Variants in NAA30 observed in about 807,000 individuals in gnomAD.
NAA30 encodes the protein N-alpha-acetyltransferase 30.
NAA30 carries 5 observed loss-of-function variants against 31.4 expected under a neutral mutation model. That is an observed-to-expected ratio of 0.16 (90% confidence interval 0.08 to 0.33). The LOEUF is 0.33. NAA30 is among the 10% of genes least tolerant of loss of function. The pLI, the probability that NAA30 is intolerant of heterozygous loss-of-function variation, is 1.00. For synonymous variants in NAA30, 222 were observed against 207.1 expected, an observed-to-expected ratio of 1.07 and a Z score of -0.62; for missense variants, 428 against 490.8, an observed-to-expected ratio of 0.87 and a Z score of 1.21.
chr14:57,399,519 C>T (rs2066464897), intron 3 of NAA30, among the ~76,000 whole-genome samples: 1 of 152,192 alleles, frequency 6.6e-6, no homozygotes, highest in Non-Finnish European at 1.5e-5. Context: ...TTGTCTTTTT[C>T]TCTTTCGCTT....
intron 2 of NAA30, among the ~76,000 whole-genome samples, chr14:57,395,715 C>G (rs1206560218): frequency 6.6e-6 from 1 of 152,064 alleles, no homozygotes; most frequent in East Asian, 1.9e-4. Flanking sequence ...AAGCTTTTAA[C>G]ATAAAGCTTT....
chr14:57,393,597 A>C (rs547027682), intron 2 of NAA30, among the ~76,000 whole-genome samples: 70 of 152,286 alleles, frequency 4.6e-4, no homozygotes, highest in African/African-American at 1.6e-3. Context: ...TCCTTTTAGA[A>C]CTGAAAGCCA....
chr14:57,395,102 T>G (rs2066445247), intron 2 of NAA30, among the ~76,000 whole-genome samples: 3 of 152,208 alleles, frequency 2.0e-5, no homozygotes, highest in Admixed American at 1.3e-4. Flanking sequence ...TAAAAAATTT[T>G]TTTAAAAGAT....
intron 2 of NAA30, among the ~76,000 whole-genome samples, chr14:57,393,975 C>G (rs1451473525): frequency 6.6e-6 from 1 of 151,956 alleles, no homozygotes; most frequent in Non-Finnish European, 1.5e-5. Flanking sequence ...GATTAAAAAC[C>G]TCCAAAATGT....
At position 57,399,052 on chromosome 14, in the gene NAA30, G is replaced by A. The variant is rs773661969; in HGVS notation, c.896-776G>A. On this transcript the variant is annotated intron_variant, in intron 3 of 4. Transcript: ENST00000556492. ...AATTTTTTGTATTTTTAATAGAGAC[G>A]GGGTTTCACCATGTTGGCCAGGCTG... Among the ~76,000 whole-genome samples the A allele has an allele frequency of 5.4e-4, 82 of 151,838 alleles. 1 individual carries two copies. The highest frequency in any genetic ancestry group is 8.5e-4 in the Non-Finnish European group (58 of 67,938).
At chr14:57,408,602 C>G (rs1001674454) in intron 4 of NAA30, among the ~76,000 whole-genome samples, 2 of 152,180 alleles carry the variant, frequency 1.3e-5, no homozygotes, top group Non-Finnish European at 2.9e-5. Context: ...CAAACGTACT[C>G]ATAAACTCTG....
chr14:57,397,107 T>G (rs1370159521), intron 3 of NAA30, among the ~76,000 whole-genome samples: 2 of 152,238 alleles, frequency 1.3e-5, no homozygotes, highest in Non-Finnish European at 2.9e-5. Context: ...AAGTAGCCGA[T>G]CATCAGCTTT....
At chr14:57,404,177 C>A (rs1024810652) in intron 4 of NAA30, among the ~76,000 whole-genome samples, 11 of 152,084 alleles carry the variant, frequency 7.2e-5, no homozygotes, top group African/African-American at 2.7e-4. Flanking sequence ...CAAAAATTAG[C>A]CAGGTGTGGT....
chr14:57,403,685 C>T (rs897914897), intron 4 of NAA30, among the ~76,000 whole-genome samples: 8 of 152,136 alleles, frequency 5.3e-5, no homozygotes, highest in Admixed American at 5.2e-4. Context: ...GTTTACACCC[C>T]CTGCACGCTC....
chr14:57,409,352 C>A, intron 4 of NAA30, 27 bp from the exon 5 acceptor site: 1 of 1,544,972 alleles, frequency 6.5e-7, no homozygotes, highest in Non-Finnish European at 8.8e-7. Flanking sequence ...GTAATTATAA[C>A]TTAGTTTTTT....
In NAA30 at chr14:57,411,765, A is replaced by T. The variant is rs915720281; in HGVS notation, c.*2249A>T. On this transcript the variant is annotated 3_prime_UTR_variant, in exon 5 of 5. Transcript: ENST00000556492. ...TGCAAAAAAATTTTTACTTAAGTAG[A>T]TTAAAATTTTAACCTCTAGCATGAA... The T allele has an allele frequency of 3.3e-5, 5 of 152,170 alleles. No homozygotes were observed. The South Asian group carries it at 6.2e-4, about 19-fold the overall frequency. 9.4% of individuals were successfully genotyped at this position (152,170 alleles called of 1,614,324 possible). A position where few individuals can be genotyped will look rare whatever the true frequency, so the allele number is the denominator to read the frequency against.
rs1253954545 is a variant in NAA30 at position 57,391,132 on chromosome 14, G to A, written c.175G>A (p.Gly59Arg). ...CGGCGGCAGCAGGAGCCCGGCGGGCGGAGAGTCGGCGACGGTGGCGGCCAA... is the reference window on the plus strand; with the variant it reads ...CGGCGGCAGCAGGAGCCCGGCGGGCAGAGAGTCGGCGACGGTGGCGGCCAA... ...EGGGSRSPAG[G>R]ESATVAAKGH... The change falls in exon 2 of 5, where the codon GGA becomes AGA. Residue 59 changes from glycine to arginine, a missense_variant. Gly to Arg is a moderately radical substitution (Grantham distance 125). This residue lies in a region of NAA30 where 349 missense variants were observed against 310.4 expected (regional missense o/e 1.12). Transcript: ENST00000556492. The surrounding 1 kb of genome is among the most constrained non-coding windows in gnomAD (Gnocchi z 4.1). 1 of 1,579,022 alleles carries A rather than the reference G, an allele frequency of 6.3e-7. No individual in the cohort carries two copies. Among genetic ancestry groups the A allele is most frequent in the South Asian group, 1.2e-5 (1 of 86,946 alleles).
intron 2 of NAA30, among the ~76,000 whole-genome samples, chr14:57,395,440 TAGTTTCTTCTGGAA>T (rs2066446685): frequency 6.6e-6 from 1 of 152,232 alleles, no homozygotes; most frequent in East Asian, 1.9e-4. Flanking sequence ...TTTGTTGAAA[TAGTTTCTTCTGGAA>T]AGTTAATTTA....
chr14:57,403,359 G>T (rs556342746), intron 4 of NAA30, among the ~76,000 whole-genome samples: 2 of 151,584 alleles, frequency 1.3e-5, no homozygotes, highest in East Asian at 3.9e-4. Flanking sequence ...ATTGTTCTTT[G>T]TTGTTACTAG....
chr14:57,392,796 A>G (rs982282228), intron 2 of NAA30, among the ~76,000 whole-genome samples: 4 of 152,236 alleles, frequency 2.6e-5, no homozygotes, highest in Non-Finnish European at 5.9e-5. Context: ...CCTGCAAGAT[A>G]TTTTGACAAT....
chr14:57,397,861 G>A (rs1466980322), intron 3 of NAA30, among the ~76,000 whole-genome samples: 1 of 152,144 alleles, frequency 6.6e-6, no homozygotes. Context: ...GGAGGTGGAG[G>A]TTGCAGTGAG....
chr14:57,404,025 GT>G (rs1257983847), intron 4 of NAA30, among the ~76,000 whole-genome samples: 87 of 152,160 alleles, frequency 5.7e-4, no homozygotes, highest in East Asian at 1.5e-3. Context: ...TGTTTGTTTT[GT>G]TTTTAGAGTT....
chr14:57,393,437 A>G (rs530962474), intron 2 of NAA30, among the ~76,000 whole-genome samples: 3 of 152,264 alleles, frequency 2.0e-5, no homozygotes, highest in African/African-American at 7.2e-5. Context: ...ATGAATCAGG[A>G]GGTATTAAAC....
At position 57,396,771 on chromosome 14, in the gene NAA30, G is replaced by T. The variant is rs940782641; in HGVS notation, c.791G>T (p.Cys264Phe). The T allele has an allele frequency of 6.2e-7, 1 of 1,613,946 alleles. No homozygotes were observed. Residue 264 changes from cysteine (C) to phenylalanine (F), a missense_variant, in exon 3 of 5, where the codon TGT (cysteine) becomes TTT (phenylalanine). Physicochemically the swap from Cys to Phe is radical, Grantham distance 205 (BLOSUM62 -2). This residue lies in a region of NAA30 where 79 missense variants were observed against 180.3 expected (regional missense o/e 0.44). Coordinates refer to ENST00000556492, the MANE Select transcript of NAA30 (RefSeq NM_001011713.3). ...LCFLAMVGEE[C>F]VGAIVCKLDM... ...TTTAAGGCCATGGTAGGGGAGGAGT[G>T]TGTAGGTGCCATCGTTTGCAAGTTG...
Sources: gnomAD v4.1 joint callset for allele counts (sites outside exome capture counted in the v4.1 genomes callset) on GRCh38, gnomAD v4.1.1 for gene constraint, gnomAD v4.1.1 regional missense constraint, Gnocchi (gnomAD v3.1) non-coding constraint, MANE v1.5 for transcripts, NCBI Gene and HGNC (gene_info 2026-07-23, HGNC 2026-07-21) for gene names.